Variants in H2AZ2 observed in about 807,000 individuals in gnomAD.
The protein encoded by H2AZ2 is H2A.Z variant histone 2, also known as histone H2A.V.
Under a neutral mutation model 15.5 loss-of-function variants are expected in H2AZ2, and 5 were observed. That is an observed-to-expected ratio of 0.32 (90% CI 0.17 to 0.68). The LOEUF (loss-of-function observed/expected upper bound fraction) is 0.68, where lower values mean the gene tolerates loss of function less well. H2AZ2 is among the 30% of genes least tolerant of loss of function. The pLI, the probability that H2AZ2 is intolerant of heterozygous loss-of-function variation, is 0.72. For missense variants in H2AZ2, 42 were observed against 162.5 expected (o/e 0.26, Z 4.03); for synonymous variants, 44 against 57.4 (o/e 0.77, Z 1.05).
intron 4 of H2AZ2, 38 bp downstream of exon 4, chr7:44,835,491 A>C (rs1562785464): frequency 6.3e-7 from 1 of 1,575,998 alleles, no homozygotes; most frequent in Non-Finnish European, 8.7e-7. Context: ...TTAGTCAGAA[A>C]GACCAATAAG....
chr7:44,839,628 G>A (rs1029794421), intron 3 of H2AZ2, among the ~76,000 whole-genome samples: 1 of 151,726 alleles, frequency 6.6e-6, no homozygotes, highest in Non-Finnish European at 1.5e-5. Context: ...GTTGCAGTGA[G>A]CCGAGACTGC....
rs760421407 is a variant in H2AZ2 at position 44,840,905 on chromosome 7, A to G, written c.189T>C (p.Thr63=). The change falls in exon 3 of 5, where the codon ACT becomes ACC. Residue 63 remains threonine, a synonymous_variant. Transcript: ENST00000308153. ...CAGACATTCCTGTACAAACCTCTGC[A>G]GTGAGGTACTCCAGAATCGCAGCAC... The part of the protein sequence containing the change: ...VYSAAILEYL[T]AEVLELAGNA... 2.4e-5 allele frequency: 39 copies of G among 1,610,892 alleles called. No individual in the cohort carries two copies. Among genetic ancestry groups the G allele is most frequent in the Non-Finnish European group, 3.1e-5 (36 of 1,177,214 alleles).
intron 3 of H2AZ2, among the ~76,000 whole-genome samples, chr7:44,839,842 A>C (rs959925466): frequency 2.0e-5 from 3 of 151,052 alleles, no homozygotes; most frequent in Non-Finnish European, 4.4e-5. Context: ...GTCTCCTCTA[A>C]AAATACAAAA....
chr7:44,833,773 T>C lies in H2AZ2; in HGVS notation c.*728A>G, dbSNP rs1244030607. On this transcript the variant is annotated 3_prime_UTR_variant, in exon 5 of 5. Coordinates refer to ENST00000308153, the MANE Select transcript of H2AZ2 (RefSeq NM_012412.5). ...AATCCTAGCTCTGTCATTTTCTATC[T>C]ACCAGTTCAATGTTTTTTGGCATAG... 2.4e-6 allele frequency: 2 copies of C among 835,502 alleles called. No homozygotes were observed. Among genetic ancestry groups the C allele is most frequent in the Non-Finnish European group, 2.9e-6 (2 of 693,582 alleles). The allele number at this position is 835,502 out of a possible 1,614,324, so 51.8% of individuals were successfully genotyped here.
downstream of H2AZ2, chr7:44,827,115 A>C (rs1292515170): frequency 3.9e-5 from 6 of 152,230 alleles, no homozygotes; most frequent in African/African-American, 9.6e-5. Flanking sequence ...AAAGTGTGGG[A>C]ATCACCTCAT....
In H2AZ2 at chr7:44,840,926, A is replaced by G; in HGVS notation, c.168T>C (p.Ala56=). ...RVGATAAVYS[A]AILEYLTAEV... ...CTGCAGTGAGGTACTCCAGAATCGC[A>G]GCACTGTACACGGCAGCAGTGGCAC... is the stretch of plus-strand genomic sequence containing the variant. The change falls in exon 3 of 5, where the codon GCT becomes GCC. Residue 56 remains alanine, a synonymous_variant. Coordinates refer to ENST00000308153, the MANE Select transcript of H2AZ2 (RefSeq NM_012412.5). 5 of 1,614,084 alleles carry G rather than the reference A, an allele frequency of 3.1e-6. No homozygotes were observed. Among genetic ancestry groups the G allele is most frequent in the African/African-American group, 1.3e-5 (1 of 75,052 alleles).
In H2AZ2 at chr7:44,836,778, T is replaced by C. The variant is rs539686816; in HGVS notation, c.196-1120A>G. On this transcript the variant is annotated intron_variant, in intron 3 of 4. Coordinates refer to ENST00000308153, the MANE Select transcript of H2AZ2 (RefSeq NM_012412.5). ...TTGGGAGGCCGAGAGGGGTGGATCA[T>C]GAGGTCAGGAGATCGAGACCATCCT... 1.9e-4 allele frequency among the ~76,000 whole-genome samples: 29 copies of C among 152,018 alleles called. No individual in the cohort carries two copies. In the South Asian group the frequency reaches 2.9e-3, roughly 15 times the overall value.
chr7:44,843,361 GC>G lies in H2AZ2; in HGVS notation c.4-8del. 1 of 1,601,792 alleles carries G rather than the reference GC, an allele frequency of 6.2e-7. No homozygotes were observed. The highest frequency in any genetic ancestry group is 8.5e-7 in the Non-Finnish European group (1 of 1,175,040). ...TTCCAGCTTTGCCTCCAGCCTAAATGCAAAAAAAAATTTTTTTGAATGAAAA... is the reference window on the plus strand; with the variant it reads ...TTCCAGCTTTGCCTCCAGCCTAAATGAAAAAAAAATTTTTTTGAATGAAAA... On this transcript the variant is annotated splice_polypyrimidine_tract_variant and splice_region_variant and intron_variant, in intron 1 of 4. Coordinates refer to ENST00000308153, the MANE Select transcript of H2AZ2 (RefSeq NM_012412.5).
At position 44,835,602 on chromosome 7, in the gene H2AZ2, C is replaced by T. The variant is rs765870002; in HGVS notation, c.252G>A (p.Pro84=). 1.3e-5 allele frequency: 21 copies of T among 1,613,576 alleles called. No individual in the cohort carries two copies. The East Asian group carries it at 2.2e-4, about 17-fold the overall frequency. The part of the protein sequence containing the change: ...SKDLKVKRIT[P]RHLQLAIRGD... ...CACGGATTGCAAGCTGCAAGTGACG[C>T]GGAGTGATACGCTTTACTTTGAGAT... The change falls in exon 4 of 5, where the codon CCG becomes CCA. Residue 84 remains proline, a synonymous_variant. Coordinates refer to ENST00000308153, the MANE Select transcript of H2AZ2 (RefSeq NM_012412.5).
intron 3 of H2AZ2, among the ~76,000 whole-genome samples, chr7:44,837,895 C>A (rs1295200150): frequency 6.6e-6 from 1 of 151,814 alleles, no homozygotes; most frequent in African/African-American, 2.4e-5. Context: ...ATGTAAGACA[C>A]CACACCCAGC....
chr7:44,841,171 C>T (rs954769396), intron 2 of H2AZ2, among the ~76,000 whole-genome samples, 159 bp from the exon 3 acceptor site: 3 of 152,182 alleles, frequency 2.0e-5, no homozygotes, highest in Admixed American at 6.6e-5. Flanking sequence ...GGGCCTGTGT[C>T]TCTGTTCTGG....
chr7:44,846,418 C>T (rs1419991549), intron 1 of H2AZ2, among the ~76,000 whole-genome samples: 1 of 151,984 alleles, frequency 6.6e-6, no homozygotes, highest in Non-Finnish European at 1.5e-5. Context: ...GAGATCGAGA[C>T]CATCCTGGCC....
chr7:44,838,437 G>C (rs190584453), intron 3 of H2AZ2, among the ~76,000 whole-genome samples: 1 of 152,000 alleles, frequency 6.6e-6, no homozygotes, highest in Non-Finnish European at 1.5e-5. Context: ...GATCATTTGA[G>C]GTCAGGAGTT....
rs909087609 is a variant in H2AZ2 at position 44,834,126 on chromosome 7, C to T, written c.*375G>A. On this transcript the variant is annotated 3_prime_UTR_variant, in exon 5 of 5. Transcript: ENST00000308153. ...CATTGTAAAGATATATTCCCAATTT[C>T]TGTTCTAAGGTTACTCTGAATAACC... 1 of 943,732 alleles carries T rather than the reference C, an allele frequency of 1.1e-6. No homozygotes were observed. Among genetic ancestry groups the T allele is most frequent in the African/African-American group, 1.8e-5 (1 of 56,550 alleles). The allele number at this position is 943,732 out of a possible 1,614,324, so 58.5% of individuals were successfully genotyped here. A position where few individuals can be genotyped will look rare whatever the true frequency, so the allele number is the denominator to read the frequency against.
rs1233213298 is a variant in H2AZ2 at position 44,837,830 on chromosome 7, A to AG, written c.196-2173_196-2172insC. On this transcript the variant is annotated intron_variant, in intron 3 of 4. Coordinates refer to ENST00000308153, the MANE Select transcript of H2AZ2 (RefSeq NM_012412.5). ...CCAAAGTTCCCAAAGATTTAAAAAA[A>AG]AGGGGGGGGGGGCTTAGATAGATGG... is the stretch of plus-strand genomic sequence containing the variant. Among the ~76,000 whole-genome samples, 25 of 49,680 alleles carry AG rather than the reference A, an allele frequency of 5.0e-4. No individual in the cohort carries two copies. In the South Asian group the frequency reaches 0.017, roughly 34 times the overall value. The allele number at this position is 49,680 out of a possible 152,430, so 32.6% of individuals were successfully genotyped here. A position where few individuals can be genotyped will look rare whatever the true frequency, so the allele number is the denominator to read the frequency against.
chr7:44,841,837 T>C (rs1793282983), intron 2 of H2AZ2, among the ~76,000 whole-genome samples: 1 of 152,192 alleles, frequency 6.6e-6, no homozygotes, highest in African/African-American at 2.4e-5. Flanking sequence ...CTACAATTAC[T>C]TCCTTTCCGC....
At chr7:44,841,405 G>GTCA (rs71011997) in intron 2 of H2AZ2, among the ~76,000 whole-genome samples, 2,057 of 152,194 alleles carry the variant, frequency 0.014, 17 homozygotes, top group Middle Eastern at 0.027. Flanking sequence ...TGATCTGATA[G>GTCA]TTAAGAAAAA....
chr7:44,835,393 G>T, intron 4 of H2AZ2, 136 bp downstream of exon 4: 1 of 600,748 alleles, frequency 1.7e-6, no homozygotes, highest in Non-Finnish European at 2.7e-6. Context: ...GCTTAGAATT[G>T]TTATAGATTT....
intron 1 of H2AZ2, among the ~76,000 whole-genome samples, chr7:44,847,465 G>A (rs1451320633): frequency 6.6e-6 from 1 of 152,138 alleles, no homozygotes; most frequent in Non-Finnish European, 1.5e-5. Flanking sequence ...TGTGGTTCTG[G>A]TCTATAAAAC....
Sources: allele counts gnomAD v4.1 joint callset (sites outside exome capture counted in the v4.1 genomes callset), GRCh38; gene constraint gnomAD v4.1.1; transcripts MANE v1.5; gene names NCBI Gene and HGNC (gene_info 2026-07-23, HGNC 2026-07-21).